NINL: variants seen among roughly 807,000 people sequenced by gnomAD.
NINL encodes the protein ninein-like protein.
NINL carries 153 observed loss-of-function variants against 160.3 expected under a neutral mutation model. That is an observed-to-expected ratio of 0.95 (90% CI 0.84 to 1.09). The LOEUF is 1.09. NINL is among the 50% of genes least tolerant of loss of function. NINL has a pLI of 0.00. For synonymous variants in NINL, 800 were observed against 734.8 expected (o/e 1.09, Z -1.43); for missense variants, 1,829 against 1,764.0 (o/e 1.04, Z -0.66).
intron 17 of NINL, among the ~76,000 whole-genome samples, chr20:25,475,250 AAAAAAAC>A (rs781700610): frequency 5.3e-5 from 8 of 151,926 alleles, no homozygotes; most frequent in Non-Finnish European, 1.0e-4. Flanking sequence ...CTCTGTCTCA[AAAAAAAC>A]AAAAAACAAA....
rs2064693013 is a variant in NINL, at chr20:25,543,343, A to G, written c.-11-16745T>C. 2.0e-5 allele frequency among the ~76,000 whole-genome samples: 3 copies of G among 152,320 alleles called. No homozygotes were observed. In the South Asian group the frequency reaches 6.2e-4, roughly 32 times the overall value. ...GGCACACAGACAGCTTGAGCTCTGG[A>G]GGTCCAGACTAGCCTGGGCAACATT... On this transcript the variant is annotated intron_variant, in intron 1 of 23. Coordinates refer to ENST00000278886, the MANE Select transcript of NINL (RefSeq NM_025176.6).
At chr20:25,484,581 G>A (rs151019501) in intron 13 of NINL, among the ~76,000 whole-genome samples, 7 of 152,330 alleles carry the variant, frequency 4.6e-5, no homozygotes, top group South Asian at 2.1e-4. Context: ...ATTTGGGCAC[G>A]AAAATAATTA....
At position 25,476,898 on chromosome 20, in the gene NINL, A is replaced by G. The variant is rs1480086292; in HGVS notation, c.2393T>C (p.Met798Thr). Residue 798 changes from methionine (M) to threonine (T), a missense_variant, in exon 17 of 24, where the codon ATG becomes ACG. Physicochemically the swap from Met to Thr is moderately conservative, Grantham distance 81. Transcript: ENST00000278886. ...CTCCTCGAGGGCCAACGATACGCAC[A>G]TCTGGGCGCGCTTCTCGCTCGCACA... is the stretch of plus-strand genomic sequence containing the variant. ...QPCASEKRAQMCVSLALEEEE... is the reference protein window; with the variant it reads ...QPCASEKRAQTCVSLALEEEE... The G allele has an allele frequency of 3.1e-6, 5 of 1,613,108 alleles. No homozygotes were observed. The South Asian group carries it at 5.5e-5, about 18-fold the overall frequency.
At chr20:25,563,397 C>T (rs2064966544) in intron 1 of NINL, among the ~76,000 whole-genome samples, 1 of 152,136 alleles carries the variant, frequency 6.6e-6, no homozygotes, top group African/African-American at 2.4e-5. Context: ...GCAGTAACCA[C>T]TAAAATACCT....
chr20:25,461,006 G>A (rs578089390), intron 21 of NINL, among the ~76,000 whole-genome samples: 1 of 152,234 alleles, frequency 6.6e-6, no homozygotes, highest in Non-Finnish European at 1.5e-5. Context: ...TGAGGCCCCT[G>A]CTCGGCTGCC....
intron 13 of NINL, among the ~76,000 whole-genome samples, chr20:25,483,335 C>CA (rs11477331): frequency 0.017 from 2,327 of 140,646 alleles, 26 homozygotes; most frequent in African/African-American, 0.035. Flanking sequence ...TCTGTCTCAA[C>CA]AAAAAAAAAA....
chr20:25,495,549 C>T (rs969794215), intron 10 of NINL, among the ~76,000 whole-genome samples: 1 of 152,144 alleles, frequency 6.6e-6, no homozygotes, highest in Non-Finnish European at 1.5e-5. Flanking sequence ...GCAGACCTCC[C>T]GAGCCAGCAG....
chr20:25,475,028 C>T (rs890290033), intron 17 of NINL, among the ~76,000 whole-genome samples: 1 of 152,020 alleles, frequency 6.6e-6, no homozygotes, highest in African/African-American at 2.4e-5. Context: ...GGTGATCCAC[C>T]CACCTTGGCC....
rs200687034 is a variant in NINL, at chr20:25,547,179, A to AT, written c.-11-20582dup. 7.7e-3 allele frequency among the ~76,000 whole-genome samples: 1,174 copies of AT among 152,220 alleles called. 7 individuals carry two copies. Among genetic ancestry groups the AT allele is most frequent in the Middle Eastern group, 0.031 (9 of 294 alleles). ...CCCTTTCAACTACACCAGCGTTTAT[A>AT]TTACTGAGGTGACTCTAGGAGGAAA... On this transcript the variant is annotated intron_variant, in intron 1 of 23. Transcript: ENST00000278886.
rs1282632382 is a variant in NINL at position 25,504,114 on chromosome 20, A to C, written c.709-10T>G. 1.9e-6 allele frequency: 3 copies of C among 1,556,064 alleles called. No individual in the cohort carries two copies. The highest frequency in any genetic ancestry group is 2.6e-6 in the Non-Finnish European group (3 of 1,152,040). Reference sequence around the variant, plus strand: ...ACAGGTCTTCGAGTTCCTAAACAAAAGCCGTCATATCTCAGGCCCACCCAC... The same window carrying C: ...ACAGGTCTTCGAGTTCCTAAACAAACGCCGTCATATCTCAGGCCCACCCAC... On this transcript the variant is annotated splice_polypyrimidine_tract_variant and intron_variant, in intron 6 of 23. Transcript: ENST00000278886.
Position 25,476,723 on chromosome 20 carries a change from C to T in NINL, c.2568G>A (p.Arg856=), listed in dbSNP as rs1235329806. The change falls in exon 17 of 24, where the codon CGG becomes CGA. Residue 856 remains arginine, a synonymous_variant. Transcript: ENST00000278886. The part of the protein sequence containing the change: ...LLPLRPGCGE[R]PLAWLAPGDG... The stretch of plus-strand genomic sequence containing the variant: ...CACCTGGGGCCAGCCAGGCCAGTGG[C>T]CGCTCCCCACAGCCCGGACGCAGTG... 2 of 1,601,772 alleles carry T rather than the reference C, an allele frequency of 1.2e-6. No individual in the cohort carries two copies. The highest frequency in any genetic ancestry group is 8.5e-7 in the Non-Finnish European group (1 of 1,177,948).
At chr20:25,493,555 C>G (rs886640334) in intron 10 of NINL, among the ~76,000 whole-genome samples, 3 of 152,164 alleles carry the variant, frequency 2.0e-5, no homozygotes, top group African/African-American at 4.8e-5. Context: ...CTCTGGAGAT[C>G]CAAGCTGGCC....
At chr20:25,564,033 C>A (rs1458872111) in intron 1 of NINL, among the ~76,000 whole-genome samples, 5 of 152,022 alleles carry the variant, frequency 3.3e-5, no homozygotes, top group African/African-American at 1.2e-4. Flanking sequence ...AGCAACAAAG[C>A]AAGACCTCAT....
chr20:25,510,710 T>C lies in NINL; in HGVS notation c.481A>G (p.Thr161Ala). 1 of 1,613,984 alleles carries C rather than the reference T, an allele frequency of 6.2e-7. No homozygotes were observed. The highest frequency in any genetic ancestry group is 8.5e-7 in the Non-Finnish European group (1 of 1,179,978). ...SPKSDEEAES[T>A]KEAQNELFEA... ...AATAATTCATTCTGAGCTTCTTTAG[T>C]GCTCTCGGCCTCTTCATCTGACTTG... Residue 161 changes from threonine to alanine, a missense_variant, in exon 5 of 24, where the codon ACT becomes GCT. Coordinates refer to ENST00000278886, the MANE Select transcript of NINL (RefSeq NM_025176.6).
intron 17 of NINL, among the ~76,000 whole-genome samples, chr20:25,472,781 T>C (rs564838510): frequency 3.3e-5 from 5 of 152,230 alleles, no homozygotes; most frequent in South Asian, 2.1e-4. Flanking sequence ...CCTGGGATTA[T>C]AGGTGTGAGC....
intron 14 of NINL, 121 bp downstream of exon 14, chr20:25,481,847 A>G: frequency 7.2e-7 from 1 of 1,395,202 alleles, no homozygotes; most frequent in South Asian, 1.4e-5. Flanking sequence ...AGAGCAGACC[A>G]CCTCCCTTCA....
chr20:25,478,921 A>G lies in NINL; in HGVS notation c.2201+2T>C. 6.6e-7 allele frequency: 1 copy of G among 1,526,702 alleles called. No homozygotes were observed. Among genetic ancestry groups the G allele is most frequent in the Non-Finnish European group, 8.8e-7 (1 of 1,141,204 alleles). The allele number at this position is 1,526,702 out of a possible 1,614,324, so 94.6% of individuals were successfully genotyped here. ...TGAAATCTCAAAAGAAGCTGGCTGGACCTGATCTGCTGCAGGTGGCTGTGA... is the reference window on the plus strand; with the variant it reads ...TGAAATCTCAAAAGAAGCTGGCTGGGCCTGATCTGCTGCAGGTGGCTGTGA... On this transcript the variant is annotated splice_donor_variant, in intron 16 of 23. Coordinates refer to ENST00000278886, the MANE Select transcript of NINL (RefSeq NM_025176.6). LOFTEE classifies it high-confidence loss of function.
At chr20:25,556,809 A>G (rs750571991) in intron 1 of NINL, among the ~76,000 whole-genome samples, 1 of 152,142 alleles carries the variant, frequency 6.6e-6, no homozygotes, top group African/African-American at 2.4e-5. Flanking sequence ...GCATGGATAC[A>G]TATATAAGGG....
chr20:25,552,449 T>A (rs1033014832), intron 1 of NINL, among the ~76,000 whole-genome samples: 1 of 152,098 alleles, frequency 6.6e-6, no homozygotes, highest in African/African-American at 2.4e-5. Context: ...AAAAAATAAA[T>A]CTACTAAAAA....
Sources: allele counts gnomAD v4.1 joint callset (sites outside exome capture counted in the v4.1 genomes callset), GRCh38; gene constraint gnomAD v4.1.1; transcripts MANE v1.5; gene names NCBI Gene and HGNC (gene_info 2026-07-23, HGNC 2026-07-21).